The following IL21 variants were observed in gnomAD, a reference collection of about 807,000 sequenced individuals.
IL21 encodes interleukin-21.
IL21 carries 3 observed loss-of-function variants against 18.4 expected under a neutral mutation model. That is an observed-to-expected ratio of 0.16 (90% CI 0.07 to 0.42). The LOEUF (loss-of-function observed/expected upper bound fraction) is 0.42. IL21 is among the 10% of genes least tolerant of loss of function. The pLI is 0.99. For missense variants in IL21, 130 were observed against 188.4 expected, an observed-to-expected ratio of 0.69 and a Z score of 1.81; for synonymous variants, 37 against 62.0, an observed-to-expected ratio of 0.60 and a Z score of 1.90.
rs1799412584 is a variant in IL21 at position 122,620,588 on chromosome 4, GC to G, written c.204+112del. ...TAAATATTTCATCAATTATTAGACC[GC>G]TAAGTTCATTAAAATTCAGTATACT... is the stretch of plus-strand genomic sequence containing the variant. On this transcript the variant is annotated intron_variant, in intron 2 of 4. Transcript: ENST00000648588. 3 of 883,856 alleles carry G rather than the reference GC, an allele frequency of 3.4e-6. No homozygotes were observed. In the East Asian group the frequency reaches 7.6e-5, roughly 22 times the overall value. The allele number at this position is 883,856 out of a possible 1,614,324, so 54.8% of individuals were successfully genotyped here. A position where few individuals can be genotyped will look rare whatever the true frequency, so the allele number is the denominator to read the frequency against.
intron 3 of IL21, among the ~76,000 whole-genome samples, chr4:122,613,347 CTT>C (rs34061725): frequency 9.5e-5 from 9 of 94,954 alleles, no homozygotes; most frequent in African/African-American, 1.9e-4. Flanking sequence ...TTGCATCTAA[CTT>C]TTTTTTTTTT....
rs890490055 is a variant in IL21, at chr4:122,610,991, T to C, written c.*1719A>G. Among the ~76,000 whole-genome samples, 2 of 152,304 alleles carry C rather than the reference T, an allele frequency of 1.3e-5. No homozygotes were observed. Among genetic ancestry groups the C allele is most frequent in the East Asian group, 3.9e-4 (2 of 5,190 alleles). ...AGATAGAGACCCTGATCAAAATAAT[T>C]GGAACAGAAATTTTTAACAATAAAC... On this transcript the variant is annotated 3_prime_UTR_variant, in exon 5 of 5. Transcript: ENST00000648588.
chr4:122,621,007 C>G lies in IL21; in HGVS notation c.5G>C (p.Arg2Thr), dbSNP rs1437907061. 1 of 1,613,706 alleles carries G rather than the reference C, an allele frequency of 6.2e-7. No individual in the cohort carries two copies. The highest frequency in any genetic ancestry group is 8.5e-7 in the Non-Finnish European group (1 of 1,179,804). ...CCTCTCCATGTTGCCAGGACTGGAT[C>G]TCATAAGTACCAACAGTAGAGCTAG... M[R>T]SSPGNMERIV... Residue 2 changes from arginine to threonine, a missense_variant, in exon 1 of 5, where the codon AGA becomes ACA. Arg to Thr is a moderately conservative substitution (Grantham distance 71). Transcript: ENST00000648588.
In IL21 at chr4:122,611,291, T is replaced by C. The variant is rs1799261482; in HGVS notation, c.*1419A>G. The stretch of plus-strand genomic sequence containing the variant: ...CTGATGATAAATTTTTTTTTCTTTT[T>C]TCTGAGTCTACTTGCTGATGATAAA... On this transcript the variant is annotated 3_prime_UTR_variant, in exon 5 of 5. Transcript: ENST00000648588. Among the ~76,000 whole-genome samples the C allele has an allele frequency of 6.6e-6, 1 of 152,178 alleles. No homozygotes were observed. Among genetic ancestry groups the C allele is most frequent in the Non-Finnish European group, 1.5e-5 (1 of 68,008 alleles).
intron 2 of IL21, among the ~76,000 whole-genome samples, chr4:122,617,298 T>G (rs1038271673): frequency 1.3e-5 from 2 of 152,224 alleles, no homozygotes; most frequent in Non-Finnish European, 2.9e-5. Flanking sequence ...TTCATGTTTG[T>G]TGAAGTTTTT....
At chr4:122,614,561 G>A (rs1204271709) in intron 3 of IL21, among the ~76,000 whole-genome samples, 21 of 151,960 alleles carry the variant, frequency 1.4e-4, no homozygotes, top group African/African-American at 4.6e-4. Context: ...ACAAAAATTA[G>A]CCAGGCGTGA....
intron 3 of IL21, among the ~76,000 whole-genome samples, chr4:122,614,787 G>C (rs1222277451): frequency 1.3e-5 from 2 of 151,956 alleles, no homozygotes; most frequent in African/African-American, 4.8e-5. Flanking sequence ...CATGTTCTTG[G>C]GTATCTGCAT....
rs1439873967 is a variant in IL21 at position 122,610,929 on chromosome 4, T to C, written c.*1781A>G. 6.6e-6 allele frequency among the ~76,000 whole-genome samples: 1 copy of C among 152,174 alleles called. No homozygotes were observed. Among genetic ancestry groups the C allele is most frequent in the East Asian group, 1.9e-4 (1 of 5,200 alleles). Reference sequence around the variant, plus strand: ...TGTTTAAACTCTGTTTAATGAAGGCTCTTAGCCAAACCCTCACTGAGTTAT... The same window carrying C: ...TGTTTAAACTCTGTTTAATGAAGGCCCTTAGCCAAACCCTCACTGAGTTAT... On this transcript the variant is annotated 3_prime_UTR_variant, in exon 5 of 5. Coordinates refer to ENST00000648588, the MANE Select transcript of IL21 (RefSeq NM_021803.4).
rs768624781 is a variant in IL21 at position 122,620,829 on chromosome 4, C to T, written c.168+15G>A. ...AAGTATGATTTAGATTTTGTTGTGA[C>T]AAATATAGTCTTACCAAGTCATTCA... On this transcript the variant is annotated intron_variant, in intron 1 of 4. Coordinates refer to ENST00000648588, the MANE Select transcript of IL21 (RefSeq NM_021803.4). 23 of 1,613,306 alleles carry T rather than the reference C, an allele frequency of 1.4e-5. No individual in the cohort carries two copies. Among genetic ancestry groups the T allele is most frequent in the Non-Finnish European group, 2.0e-5 (23 of 1,179,388 alleles).
chr4:122,613,035 C>T, intron 3 of IL21, 107 bp from the exon 4 acceptor site: 1 of 671,562 alleles, frequency 1.5e-6, no homozygotes, highest in South Asian at 2.0e-5. Flanking sequence ...CACTGAAAAA[C>T]ATTCGAGAAG....
chr4:122,614,696 ACT>A (rs1308539600), intron 3 of IL21, among the ~76,000 whole-genome samples: 1 of 151,314 alleles, frequency 6.6e-6, no homozygotes, highest in Non-Finnish European at 1.5e-5. Context: ...ACAGACTGAG[ACT>A]CTGTCTCAAA....
Position 122,612,307 on chromosome 4 carries a change from T to C in IL21, c.*403A>G, listed in dbSNP as rs1480654745. Among the ~76,000 whole-genome samples, 1 of 152,126 alleles carries C rather than the reference T, an allele frequency of 6.6e-6. No individual in the cohort carries two copies. Among genetic ancestry groups the C allele is most frequent in the African/African-American group, 2.4e-5 (1 of 41,440 alleles). ...CTTTTCATTTTGCTTTTATATATTT[T>C]GCTTCTATGCTTCTATATTATCAGC... is the stretch of plus-strand genomic sequence containing the variant. On this transcript the variant is annotated 3_prime_UTR_variant, in exon 5 of 5. Coordinates refer to ENST00000648588, the MANE Select transcript of IL21 (RefSeq NM_021803.4).
chr4:122,618,249 A>G (rs768552782), intron 2 of IL21, among the ~76,000 whole-genome samples: 3 of 151,016 alleles, frequency 2.0e-5, no homozygotes, highest in Admixed American at 6.6e-5. Flanking sequence ...TTGTTTTGCA[A>G]TTGAATTTTT....
intron 3 of IL21, among the ~76,000 whole-genome samples, 168 bp from the exon 4 acceptor site, chr4:122,613,096 T>A (rs1799285066): frequency 6.6e-6 from 1 of 152,168 alleles, no homozygotes; most frequent in African/African-American, 2.4e-5. Flanking sequence ...TGTAATCCCA[T>A]TCCCAGAGAT....
At chr4:122,615,627 G>T (rs1799326720) in intron 3 of IL21, 55 bp downstream of exon 3, 1 of 1,511,172 alleles carries the variant, frequency 6.6e-7, no homozygotes, top group Non-Finnish European at 9.0e-7. Flanking sequence ...TTTATGTAAT[G>T]CAAGATATAT....
chr4:122,615,654 T>C, intron 3 of IL21, 28 bp downstream of exon 3: 1 of 1,598,128 alleles, frequency 6.3e-7, no homozygotes, highest in Admixed American at 1.7e-5. Context: ...TAAGTACAAA[T>C]AAGAGAGATG....
chr4:122,613,048 C>T (rs1560660962), intron 3 of IL21, 120 bp from the exon 4 acceptor site: 1 of 626,038 alleles, frequency 1.6e-6, no homozygotes, highest in East Asian at 2.8e-5. Context: ...TCGAGAAGTA[C>T]ATAAAACTGT....
In IL21 at chr4:122,610,667, A is replaced by G. The variant is rs1578433741; in HGVS notation, c.*2043T>C. ...AAATGGAAACCCAAAGAGTTTAAAC[A>G]GTGACCACTATTTCATAGTCAACAA... is the stretch of plus-strand genomic sequence containing the variant. On this transcript the variant is annotated 3_prime_UTR_variant, in exon 5 of 5. Transcript: ENST00000648588. Among the ~76,000 whole-genome samples, 1 of 152,384 alleles carries G rather than the reference A, an allele frequency of 6.6e-6. No homozygotes were observed. Among genetic ancestry groups the G allele is most frequent in the Non-Finnish European group, 1.5e-5 (1 of 68,030 alleles).
intron 2 of IL21, among the ~76,000 whole-genome samples, chr4:122,618,713 G>C (rs17886814): frequency 0.054 from 8,070 of 148,464 alleles, 710 homozygotes; most frequent in African/African-American, 0.19. Context: ...GGCTGAGGCA[G>C]GAGAATCGCT....
Sources: allele counts gnomAD v4.1 joint callset (sites outside exome capture counted in the v4.1 genomes callset), GRCh38; gene constraint gnomAD v4.1.1; transcripts MANE v1.5; gene names NCBI Gene and HGNC (gene_info 2026-07-23, HGNC 2026-07-21).